The following SIK1 variants were observed in gnomAD, a reference collection of about 807,000 sequenced individuals.
SIK1 encodes the protein serine/threonine-protein kinase SIK1.
A neutral mutation model predicts 0.3 loss-of-function variants in SIK1; 1 was observed. The observed-to-expected ratio is 3.27, with a 90% confidence interval of 1.16 to 15.53. The LOEUF is 15.53. Among genes scored for constraint, SIK1 ranks in the 30% most tolerant of loss-of-function variants. The pLI is 0.12.
chr21:43,415,045 CT>C lies in SIK1; in HGVS notation c.*1696del, dbSNP rs1377354066. 5.4e-5 allele frequency: 2 copies of C among 37,288 alleles called. 1 individual carries two copies. The highest frequency in any genetic ancestry group is 1.4e-4 in the Non-Finnish European group (2 of 14,454). 2.3% of individuals were successfully genotyped at this position (37,288 alleles called of 1,614,324 possible). A position where few individuals can be genotyped will look rare whatever the true frequency, so the allele number is the denominator to read the frequency against. The stretch of plus-strand genomic sequence containing the variant: ...AACTTCTTTATGAGCGAACAGGAGA[CT>C]TTGGTGTTTTCTCTGCGGCAAGGCA... On this transcript the variant is annotated 3_prime_UTR_variant, in exon 14 of 14. Transcript: ENST00000270162.
Position 43,417,676 on chromosome 21 carries a change from C to A in SIK1, c.1843G>T (p.Ala615Ser). 5.2e-6 allele frequency: 2 copies of A among 381,172 alleles called. 1 individual carries two copies. Among genetic ancestry groups the A allele is most frequent in the Non-Finnish European group, 7.2e-6 (2 of 277,430 alleles). 23.6% of individuals were successfully genotyped at this position (381,172 alleles called of 1,614,324 possible). ...IKGLARQVCQ[A>S]PASRASRGGL... Reference sequence around the variant, plus strand: ...CCCCTGCTGGCCCGGCTGGCGGGGGCCTGGCACACCTGGCGAGCCAGCCCC... The same window carrying A: ...CCCCTGCTGGCCCGGCTGGCGGGGGACTGGCACACCTGGCGAGCCAGCCCC... Residue 615 changes from alanine to serine, a missense_variant, in exon 13 of 14, where the codon GCC becomes TCC. Physicochemically the swap from Ala to Ser is moderately conservative, Grantham distance 99 (BLOSUM62 1). Transcript: ENST00000270162.
At chr21:43,426,970 C>CCCGCCGCTGCCGCCGCTG (rs1287393513) in intron 1 of SIK1, 40 bp downstream of exon 1, 1 of 586 alleles carries the variant, frequency 1.7e-3, no homozygotes, top group African/African-American at 0.014. Flanking sequence ...CCGCCCGGAG[C>CCCGCCGCTGCCGCCGCTG]CCGCCGCTGC....
In SIK1 at chr21:43,417,718, C is replaced by T; in HGVS notation, c.1801G>A (p.Gly601Arg). ...GCCAGCCCCTTGATTTTGTTCAGTC[C>T]CAGAAACCCTTTGGTCCGCGTGGTC... ...RKTTRTKGFL[G>R]LNKIKGLARQ... The change falls in exon 13 of 14, where the codon GGA becomes AGA. Residue 601 changes from glycine to arginine, a missense_variant. Gly to Arg is a moderately radical substitution (Grantham distance 125). Coordinates refer to ENST00000270162, the MANE Select transcript of SIK1 (RefSeq NM_173354.5). The T allele has an allele frequency of 2.6e-6, 1 of 377,496 alleles. No individual in the cohort carries two copies. The highest frequency in any genetic ancestry group is 3.6e-6 in the Non-Finnish European group (1 of 274,328). The allele number at this position is 377,496 out of a possible 1,614,324, so 23.4% of individuals were successfully genotyped here.
In SIK1 at chr21:43,415,681, A is replaced by G. The variant is rs2081029039; in HGVS notation, c.*1061T>C. The G allele has an allele frequency of 3.0e-5, 1 of 33,420 alleles. No homozygotes were observed. The highest frequency in any genetic ancestry group is 5.1e-4 in the Admixed American group (1 of 1,962). 2.1% of individuals were successfully genotyped at this position (33,420 alleles called of 1,614,324 possible). On this transcript the variant is annotated 3_prime_UTR_variant, in exon 14 of 14. Coordinates refer to ENST00000270162, the MANE Select transcript of SIK1 (RefSeq NM_173354.5). ...GTCTACCTGTCTCCCATGTAGATAC[A>G]TATACAGGATTTGCTTTAAAAAAAA...
rs72146735 is a variant in SIK1, at chr21:43,416,338, G to GCACACA, written c.*398_*403dup. 2.5e-4 allele frequency: 23 copies of GCACACA among 91,402 alleles called. 4 individuals are homozygous for GCACACA. The highest frequency in any genetic ancestry group is 1.2e-3 in the East Asian group (3 of 2,436). 5.7% of individuals were successfully genotyped at this position (91,402 alleles called of 1,614,324 possible). ...GAAATGGATAGTAATCAATGCACGC[G>GCACACA]CACACACACACACACACACACACAC... On this transcript the variant is annotated 3_prime_UTR_variant, in exon 14 of 14. Coordinates refer to ENST00000270162, the MANE Select transcript of SIK1 (RefSeq NM_173354.5).
At position 43,418,452 on chromosome 21, in the gene SIK1, C is replaced by G. The variant is rs367547841; in HGVS notation, c.1552G>C (p.Ala518Pro). 1.1e-4 allele frequency: 1 copy of G among 8,924 alleles called. No individual in the cohort carries two copies. Among genetic ancestry groups the G allele is most frequent in the Non-Finnish European group, 1.9e-4 (1 of 5,214 alleles). The allele number at this position is 8,924 out of a possible 1,614,324, so 0.6% of individuals were successfully genotyped here. Residue 518 changes from alanine (A) to proline (P), a missense_variant, in exon 12 of 14, where the codon GCG (alanine) becomes CCG (proline). Ala to Pro is a conservative substitution (Grantham distance 27). Coordinates refer to ENST00000270162, the MANE Select transcript of SIK1 (RefSeq NM_173354.5). ...GTGGCCGGGGTGCCACTGAGCCCCGCGGGGCTTTTGCTCGCAGAGAAGGTC... is the reference window on the plus strand; with the variant it reads ...GTGGCCGGGGTGCCACTGAGCCCCGGGGGGCTTTTGCTCGCAGAGAAGGTC... ...CLTFSASKSP[A>P]GLSGTPATQG...
rs199610182 is a variant in SIK1, at chr21:43,414,924, AGGG to A, written c.*1815_*1817del. 2 of 58,380 alleles carry A rather than the reference AGGG, an allele frequency of 3.4e-5. 1 individual carries two copies. The highest frequency in any genetic ancestry group is 9.2e-5 in the Non-Finnish European group (2 of 21,834). The allele number at this position is 58,380 out of a possible 1,614,324, so 3.6% of individuals were successfully genotyped here. A position where few individuals can be genotyped will look rare whatever the true frequency, so the allele number is the denominator to read the frequency against. On this transcript the variant is annotated 3_prime_UTR_variant, in exon 14 of 14. Transcript: ENST00000270162. ...AACAGAAATCATTTTAAAAAGGGGA[AGGG>A]GTTTTGTGTTGGAATCAGTTGTGCT... is the stretch of plus-strand genomic sequence containing the variant.
At chr21:43,423,300 C>T (rs112212008) in intron 3 of SIK1, among the ~76,000 whole-genome samples, 55 of 296 alleles carry the variant, frequency 0.19, 18 homozygotes, top group African/African-American at 0.62. Context: ...GTAGGAGAAT[C>T]GCTTGAACCC....
At position 43,416,338 on chromosome 21, in the gene SIK1, GCACACACACA is replaced by G. The variant is rs72146735; in HGVS notation, c.*394_*403del. 1 of 90,546 alleles carries G rather than the reference GCACACACACA, an allele frequency of 1.1e-5. No homozygotes were observed. The highest frequency in any genetic ancestry group is 2.3e-5 in the Non-Finnish European group (1 of 42,688). 5.6% of individuals were successfully genotyped at this position (90,546 alleles called of 1,614,324 possible). On this transcript the variant is annotated 3_prime_UTR_variant, in exon 14 of 14. Transcript: ENST00000270162. ...GAAATGGATAGTAATCAATGCACGC[GCACACACACA>G]CACACACACACACACACAAGCGGAC...
At chr21:43,418,143 A>ACCTCTGGTCCTCC (rs1196574270) in intron 12 of SIK1, 117 bp downstream of exon 12, 15 of 24,496 alleles carry the variant, frequency 6.1e-4, no homozygotes, top group South Asian at 2.1e-3. Context: ...GGTCCCACCC[A>ACCTCTGGTCCTCC]GGCCCGGTGG....
At chr21:43,417,916 G>C in intron 12 of SIK1, 142 bp from the exon 13 acceptor site, 1 of 314,066 alleles carries the variant, frequency 3.2e-6, no homozygotes, top group South Asian at 4.5e-5. Context: ...ACAGGAGTCT[G>C]GCACCTAAGC....
intron 12 of SIK1, 112 bp downstream of exon 12, chr21:43,418,148 C>CTCT (rs2081040801): frequency 4.3e-5 from 1 of 23,310 alleles, no homozygotes; most frequent in African/African-American, 9.2e-5. Flanking sequence ...CACCCAGGCC[C>CTCT]GGTGGAGAAC....
At position 43,416,338 on chromosome 21, in the gene SIK1, G is replaced by GCACACACACA. The variant is rs72146735; in HGVS notation, c.*394_*403dup. ...GAAATGGATAGTAATCAATGCACGC[G>GCACACACACA]CACACACACACACACACACACACAC... On this transcript the variant is annotated 3_prime_UTR_variant, in exon 14 of 14. Coordinates refer to ENST00000270162, the MANE Select transcript of SIK1 (RefSeq NM_173354.5). 4.4e-5 allele frequency: 4 copies of GCACACACACA among 90,546 alleles called. 2 individuals carry two copies. The highest frequency in any genetic ancestry group is 9.4e-5 in the Non-Finnish European group (4 of 42,688). 5.6% of individuals were successfully genotyped at this position (90,546 alleles called of 1,614,324 possible). A position where few individuals can be genotyped will look rare whatever the true frequency, so the allele number is the denominator to read the frequency against.
Position 43,415,154 on chromosome 21 carries a change from G to A in SIK1, c.*1588C>T, listed in dbSNP as rs12386289. 1.2e-4 allele frequency: 3 copies of A among 25,002 alleles called. No individual in the cohort carries two copies. Among genetic ancestry groups the A allele is most frequent in the African/African-American group, 2.6e-4 (3 of 11,516 alleles). 1.5% of individuals were successfully genotyped at this position (25,002 alleles called of 1,614,324 possible). A position where few individuals can be genotyped will look rare whatever the true frequency, so the allele number is the denominator to read the frequency against. Reference sequence around the variant, plus strand: ...AGCAGCAGCAGCAGCAGGAATGGGGGCAGCCAGCTTCCCTGCGGCCCGGCA... The same window carrying A: ...AGCAGCAGCAGCAGCAGGAATGGGGACAGCCAGCTTCCCTGCGGCCCGGCA... On this transcript the variant is annotated 3_prime_UTR_variant, in exon 14 of 14. Coordinates refer to ENST00000270162, the MANE Select transcript of SIK1 (RefSeq NM_173354.5).
At chr21:43,417,995 GCA>G (rs2081040057) in intron 12 of SIK1, among the ~76,000 whole-genome samples, 2 of 97,642 alleles carry the variant, frequency 2.0e-5, no homozygotes, top group African/African-American at 2.8e-5. Context: ...GTGCTGCCCA[GCA>G]CAGAGTCGTC....
Position 43,416,338 on chromosome 21 carries a change from GCA to G in SIK1, c.*402_*403del, listed in dbSNP as rs72146735. 13,013 of 90,580 alleles carry G rather than the reference GCA, an allele frequency of 0.14. 3,821 individuals carry two copies. Among genetic ancestry groups the G allele is most frequent in the African/African-American group, 0.41 (10,977 of 26,490 alleles). 5.6% of individuals were successfully genotyped at this position (90,580 alleles called of 1,614,324 possible). A position where few individuals can be genotyped will look rare whatever the true frequency, so the allele number is the denominator to read the frequency against. On this transcript the variant is annotated 3_prime_UTR_variant, in exon 14 of 14. Transcript: ENST00000270162. ...GAAATGGATAGTAATCAATGCACGC[GCA>G]CACACACACACACACACACACACAC...
chr21:43,423,318 G>A (rs746564230), intron 3 of SIK1, among the ~76,000 whole-genome samples: 2 of 1,842 alleles, frequency 1.1e-3, no homozygotes. Context: ...CCCAGGAGGT[G>A]GAGGTTGCAG....
rs981310529 is a variant in SIK1 at position 43,415,043 on chromosome 21, G to A, written c.*1699C>T. The A allele has an allele frequency of 7.0e-4, 27 of 38,468 alleles. 10 individuals carry two copies. Among genetic ancestry groups the A allele is most frequent in the African/African-American group, 1.6e-3 (27 of 17,152 alleles). The allele number at this position is 38,468 out of a possible 1,614,324, so 2.4% of individuals were successfully genotyped here. ...AAAACTTCTTTATGAGCGAACAGGA[G>A]ACTTTGGTGTTTTCTCTGCGGCAAG... On this transcript the variant is annotated 3_prime_UTR_variant, in exon 14 of 14. Transcript: ENST00000270162.
In SIK1 at chr21:43,415,415, C is replaced by T. The variant is rs1325302414; in HGVS notation, c.*1327G>A. 4 of 39,778 alleles carry T rather than the reference C, an allele frequency of 1.0e-4. 1 individual carries two copies. The highest frequency in any genetic ancestry group is 2.3e-4 in the African/African-American group (4 of 17,570). The allele number at this position is 39,778 out of a possible 1,614,324, so 2.5% of individuals were successfully genotyped here. A position where few individuals can be genotyped will look rare whatever the true frequency, so the allele number is the denominator to read the frequency against. The stretch of plus-strand genomic sequence containing the variant: ...CAGGGAGCAGCATTGCCTTCGTTGC[C>T]TTCCAGAGGCTTCTGGCTGGTGGAG... On this transcript the variant is annotated 3_prime_UTR_variant, in exon 14 of 14. Transcript: ENST00000270162.
Sources: gnomAD v4.1 joint callset for allele counts (sites outside exome capture counted in the v4.1 genomes callset) on GRCh38, gnomAD v4.1.1 for gene constraint, MANE v1.5 for transcripts, NCBI Gene and HGNC (gene_info 2026-07-23, HGNC 2026-07-21) for gene names.